The following CHRM3 variants were observed in gnomAD, a reference collection of about 807,000 sequenced individuals.
CHRM3 encodes cholinergic receptor muscarinic 3.
CHRM3 carries 11 observed loss-of-function variants against 41.8 expected under a neutral mutation model. The ratio of observed to expected loss-of-function variants is 0.26; its 90% confidence interval spans 0.17 to 0.44. CHRM3 has a LOEUF of 0.44. Among genes scored for constraint, CHRM3 ranks in the 20% least tolerant of loss-of-function variants. The pLI, the probability that CHRM3 is intolerant of heterozygous loss-of-function variation, is 1.00. For synonymous variants in CHRM3, 297 were observed against 301.4 expected (o/e 0.99, Z 0.15); for missense variants, 571 against 745.4 (o/e 0.77, Z 2.72).
rs1003564151 is a variant in CHRM3 at position 239,672,220 on chromosome 1, C to T, written c.-249-5966C>T. Among the ~76,000 whole-genome samples, 8 of 152,068 alleles carry T rather than the reference C, an allele frequency of 5.3e-5. No individual in the cohort carries two copies. The South Asian group carries it at 1.0e-3, about 20-fold the overall frequency. ...TAGCTAGAGGACTTGGCAATGAGGA[C>T]GGGATGCCATCATATGGATGAAGGC... is the stretch of plus-strand genomic sequence containing the variant. On this transcript the variant is annotated intron_variant, in intron 4 of 6. Transcript: ENST00000676153.
chr1:239,468,053 AAAAC>A (rs1337912758), intron 1 of CHRM3, among the ~76,000 whole-genome samples: 4 of 152,178 alleles, frequency 2.6e-5, no homozygotes, highest in Non-Finnish European at 5.9e-5. Flanking sequence ...AAAAAGCTCC[AAAAC>A]TTAGTCTTAG....
intron 5 of CHRM3, among the ~76,000 whole-genome samples, chr1:239,709,051 T>C (rs189349805): frequency 3.9e-5 from 6 of 152,276 alleles, no homozygotes; most frequent in Non-Finnish European, 7.4e-5. Flanking sequence ...CCCAAAATTA[T>C]ACTCCCTAAA....
At chr1:239,561,705 A>C in intron 3 of CHRM3, among the ~76,000 whole-genome samples, 1 of 151,978 alleles carries the variant, frequency 6.6e-6, no homozygotes, top group East Asian at 1.9e-4. Flanking sequence ...ATTACTGATA[A>C]TTAATAATTG....
intron 5 of CHRM3, among the ~76,000 whole-genome samples, chr1:239,769,868 T>C (rs1338008013): frequency 6.6e-6 from 1 of 151,236 alleles, no homozygotes; most frequent in East Asian, 1.9e-4. Context: ...GCAACAGAGC[T>C]AGACTCTGTC....
chr1:239,641,404 C>T (rs1478483055), intron 4 of CHRM3, among the ~76,000 whole-genome samples: 1 of 148,600 alleles, frequency 6.7e-6, no homozygotes, highest in Non-Finnish European at 1.5e-5. Flanking sequence ...GAGTCTAAGT[C>T]TCTTTGTAGG....
chr1:239,842,625 G>A (rs959150921), intron 6 of CHRM3, among the ~76,000 whole-genome samples: 3 of 151,978 alleles, frequency 2.0e-5, no homozygotes, highest in East Asian at 1.9e-4. Context: ...AACCATATAC[G>A]CATCTATTTT....
intron 1 of CHRM3, among the ~76,000 whole-genome samples, chr1:239,479,552 C>T (rs1035455124): frequency 6.6e-6 from 1 of 152,082 alleles, no homozygotes; most frequent in African/African-American, 2.4e-5. Context: ...TGTTCTTAGG[C>T]GATTTTATTA....
chr1:239,565,861 C>T (rs17586987), intron 3 of CHRM3, among the ~76,000 whole-genome samples: 53,198 of 151,066 alleles, frequency 0.35, 11,438 homozygotes, highest in East Asian at 0.6. Context: ...TGTTAAAACA[C>T]CACATGAGAA....
intron 1 of CHRM3, among the ~76,000 whole-genome samples, chr1:239,456,534 G>A (rs961331381): frequency 4.6e-5 from 7 of 152,102 alleles, no homozygotes; most frequent in Admixed American, 6.5e-5. Flanking sequence ...CTACGATGTC[G>A]GCGTAATGAC....
At chr1:239,407,878 G>C (rs1386560727) in intron 1 of CHRM3, among the ~76,000 whole-genome samples, 1 of 152,176 alleles carries the variant, frequency 6.6e-6, no homozygotes, top group East Asian at 1.9e-4. Context: ...TGACCATAAA[G>C]TGGAAGAGGA....
Position 239,387,892 on chromosome 1 carries a change from G to T in CHRM3, c.-521+665G>T, listed in dbSNP as rs1035182133. ...AGTCTGCACTCGCGAGGCAGCGGCCGCTGGACTGCACCGGTTCTCCTCTTT... is the reference window on the plus strand; with the variant it reads ...AGTCTGCACTCGCGAGGCAGCGGCCTCTGGACTGCACCGGTTCTCCTCTTT... On this transcript the variant is annotated intron_variant, in intron 1 of 6. Coordinates refer to ENST00000676153, the MANE Select transcript of CHRM3 (RefSeq NM_001375978.1). The surrounding 1 kb of genome is among the most constrained non-coding windows in gnomAD (Gnocchi z 5.1). 6.6e-6 allele frequency among the ~76,000 whole-genome samples: 1 copy of T among 152,174 alleles called. No homozygotes were observed. The highest frequency in any genetic ancestry group is 1.5e-5 in the Non-Finnish European group (1 of 68,034).
intron 2 of CHRM3, among the ~76,000 whole-genome samples, chr1:239,501,336 C>T (rs1668228368): frequency 6.6e-6 from 1 of 152,144 alleles, no homozygotes; most frequent in African/African-American, 2.4e-5. Flanking sequence ...TTCTGTTCAA[C>T]AGCACATGGA....
chr1:239,636,490 C>T (rs1670480328), intron 4 of CHRM3, among the ~76,000 whole-genome samples: 2 of 152,080 alleles, frequency 1.3e-5, no homozygotes, highest in South Asian at 2.1e-4. Context: ...ACTAGAAAAA[C>T]GTCTTATCTG....
At chr1:239,775,002 A>AAAAGAAC (rs1667979706) in intron 5 of CHRM3, among the ~76,000 whole-genome samples, 1 of 152,184 alleles carries the variant, frequency 6.6e-6, no homozygotes, top group African/African-American at 2.4e-5. Flanking sequence ...GAAAAAAAGA[A>AAAAGAAC]AAAGAACTAC....
At chr1:239,817,434 G>T (rs1343596687) in intron 5 of CHRM3, among the ~76,000 whole-genome samples, 1 of 151,882 alleles carries the variant, frequency 6.6e-6, no homozygotes, top group Non-Finnish European at 1.5e-5. Flanking sequence ...CCCTAATTGT[G>T]TCACCCCCAG....
chr1:239,556,779 C>G (rs966751347), intron 3 of CHRM3, among the ~76,000 whole-genome samples: 3 of 151,948 alleles, frequency 2.0e-5, no homozygotes, highest in African/African-American at 7.3e-5. Context: ...CAAAAAGAAA[C>G]CACTATTTAT....
intron 5 of CHRM3, among the ~76,000 whole-genome samples, chr1:239,733,535 C>G (rs1307815987): frequency 6.6e-6 from 1 of 151,922 alleles, no homozygotes; most frequent in Non-Finnish European, 1.5e-5. Context: ...TAGGTAGTCA[C>G]AAACTAGAGG....
chr1:239,407,440 A>AGAGAGAGAGAGAGAGAGAGAGAGAGG (rs1240463600), intron 1 of CHRM3, among the ~76,000 whole-genome samples: 1 of 150,188 alleles, frequency 6.7e-6, no homozygotes, highest in Non-Finnish European at 1.5e-5. Context: ...AGAGAGAGAG[A>AGAGAGAGAGAGAGAGAGAGAGAGAGG]GCGCTAAATT....
intron 3 of CHRM3, among the ~76,000 whole-genome samples, chr1:239,607,091 T>G (rs1666418232): frequency 6.6e-6 from 1 of 152,214 alleles, no homozygotes; most frequent in Non-Finnish European, 1.5e-5. Flanking sequence ...TTTTTTTTGT[T>G]TGTTTTTTGT....
Sources: allele counts gnomAD v4.1 joint callset (sites outside exome capture counted in the v4.1 genomes callset), GRCh38; gene constraint gnomAD v4.1.1; non-coding constraint Gnocchi (gnomAD v3.1); transcripts MANE v1.5; gene names NCBI Gene and HGNC (gene_info 2026-07-23, HGNC 2026-07-21).